The following ATP2B4 variants were observed in gnomAD, a reference collection of about 807,000 sequenced individuals.
The protein encoded by ATP2B4 is plasma membrane calcium-transporting ATPase 4.
A neutral mutation model predicts 110.3 loss-of-function variants in ATP2B4; 39 were observed. The ratio of observed to expected loss-of-function variants is 0.35; its 90% CI spans 0.27 to 0.46. The LOEUF (loss-of-function observed/expected upper bound fraction) is 0.46, where lower values mean the gene tolerates loss of function less well. Ranked by LOEUF, ATP2B4 falls within the 20% of genes least tolerant of loss-of-function variation. The pLI is 1.00. For missense variants in ATP2B4, 1,135 were observed against 1,530.9 expected (o/e 0.74, Z 4.32); for synonymous variants, 538 against 571.7 (o/e 0.94, Z 0.84).
rs375477836 is a variant in ATP2B4 at position 203,646,573 on chromosome 1, G to T, written c.-465+19354G>T. On this transcript the variant is annotated intron_variant, in intron 1 of 20. Transcript: ENST00000357681. ...GAGGTCAGTGTTCAAGACCAGCCTG[G>T]TTAACATGATGAAACTCCATCTCTG... Among the ~76,000 whole-genome samples the T allele has an allele frequency of 1.1e-4, 17 of 152,272 alleles. No individual in the cohort carries two copies. In the East Asian group the frequency reaches 2.3e-3, roughly 21 times the overall value.
chr1:203,678,693 G>A (rs1443570279), intron 1 of ATP2B4, among the ~76,000 whole-genome samples: 2 of 152,096 alleles, frequency 1.3e-5, no homozygotes, highest in African/African-American at 4.8e-5. Flanking sequence ...CAGGAGCCAC[G>A]GCACCTGGCA....
chr1:203,715,972 G>A (rs1008862853), intron 15 of ATP2B4, among the ~76,000 whole-genome samples: 5 of 144,460 alleles, frequency 3.5e-5, no homozygotes, highest in Middle Eastern at 3.6e-3. Flanking sequence ...TTGGAAAGCC[G>A]GGAACTGGGG....
Position 203,727,418 on chromosome 1 carries a change from A to G in ATP2B4, c.3156A>G (p.Arg1052=), listed in dbSNP as rs1380037034. ...AGTTCATCTCCGCAATACCTACCCG[A>G]TCCCTGAAGTTCCTGAAGGAGGCTG... ...WGQFISAIPT[R]SLKFLKEAGH... The change falls in exon 20 of 21, where the codon CGA becomes CGG. Residue 1052 remains arginine, a synonymous_variant. Transcript: ENST00000357681. The G allele has an allele frequency of 1.2e-6, 2 of 1,614,158 alleles. No homozygotes were observed. The highest frequency in any genetic ancestry group is 1.7e-6 in the Non-Finnish European group (2 of 1,180,012).
rs74137887 is a variant in ATP2B4, at chr1:203,736,191, G to A, written c.3310-3355G>A. On this transcript the variant is annotated intron_variant, in intron 20 of 20. Coordinates refer to ENST00000357681, the MANE Select transcript of ATP2B4 (RefSeq NM_001684.5). ...TGAAAAGAGCAGAAAACTGCCTGGC[G>A]CGGTGGCTCACGCCTGTAATCCCAG... Among the ~76,000 whole-genome samples, 1,417 of 152,272 alleles carry A rather than the reference G, an allele frequency of 9.3e-3. 26 individuals are homozygous for A. Among genetic ancestry groups the A allele is most frequent in the African/African-American group, 0.028 (1,183 of 41,550 alleles).
rs1665670453 is a variant in ATP2B4, at chr1:203,700,872, C to T, written c.850C>T (p.Leu284Phe). The change falls in exon 6 of 21, where the codon CTT (leucine) becomes TTT (phenylalanine). Residue 284 changes from leucine to phenylalanine, a missense_variant. Coordinates refer to ENST00000357681, the MANE Select transcript of ATP2B4 (RefSeq NM_001684.5). ...TGTCAACTCTCAGACTGGAATCATCCTTACTCTCTTGGGGGTCAATGAGGA... is the reference window on the plus strand; with the variant it reads ...TGTCAACTCTCAGACTGGAATCATCTTTACTCTCTTGGGGGTCAATGAGGA... ...VGVNSQTGII[L>F]TLLGVNEDDE... 1 of 1,613,728 alleles carries T rather than the reference C, an allele frequency of 6.2e-7. No individual in the cohort carries two copies. Among genetic ancestry groups the T allele is most frequent in the Non-Finnish European group, 8.5e-7 (1 of 1,179,780 alleles).
rs766708513 is a variant in ATP2B4, at chr1:203,698,305, C to T, written c.342C>T (p.Ile114=). Residue 114 remains isoleucine (I), a synonymous_variant, in exon 3 of 21, where the codon ATC becomes ATT. Transcript: ENST00000357681. ...TTATCATCCTGGAGATTGCAGCCAT[C>T]ATCTCCCTGGTCCTGTCCTTTTATC... ...VTLIILEIAA[I]ISLVLSFYRP... 4 of 1,614,162 alleles carry T rather than the reference C, an allele frequency of 2.5e-6. No homozygotes were observed. Among genetic ancestry groups the T allele is most frequent in the Admixed American group, 1.7e-5 (1 of 60,022 alleles).
intron 1 of ATP2B4, among the ~76,000 whole-genome samples, chr1:203,674,356 C>G (rs1426148385): frequency 6.6e-6 from 1 of 152,200 alleles, no homozygotes; most frequent in African/African-American, 2.4e-5. Context: ...CCTACCTCCA[C>G]CCCATACATC....
At chr1:203,646,522 G>C (rs889757846) in intron 1 of ATP2B4, among the ~76,000 whole-genome samples, 1 of 152,270 alleles carries the variant, frequency 6.6e-6, no homozygotes. Flanking sequence ...CCAGCACCTT[G>C]GGAGGCCAAG....
chr1:203,660,118 A>AAAGAAAGT (rs1664293014), intron 1 of ATP2B4, among the ~76,000 whole-genome samples: 1 of 151,786 alleles, frequency 6.6e-6, no homozygotes, highest in Admixed American at 6.6e-5. Flanking sequence ...AGAAAGAAAG[A>AAAGAAAGT]AACTTGTCCA....
intron 1 of ATP2B4, among the ~76,000 whole-genome samples, chr1:203,659,486 C>T (rs1446440719): frequency 6.6e-6 from 1 of 151,646 alleles, no homozygotes; most frequent in East Asian, 1.9e-4. Context: ...CGAGACCACA[C>T]AGCAAAACGT....
chr1:203,709,568 C>G (rs1405251250), intron 11 of ATP2B4, 26 bp downstream of exon 11: 1 of 1,613,446 alleles, frequency 6.2e-7, no homozygotes, highest in African/African-American at 1.3e-5. Flanking sequence ...CACTCTGCTT[C>G]CCTTCAAGAT....
chr1:203,658,486 G>A lies in ATP2B4; in HGVS notation c.-464-24256G>A, dbSNP rs150640283. Among the ~76,000 whole-genome samples the A allele has an allele frequency of 2.8e-3, 425 of 151,546 alleles. 5 individuals carry two copies. The highest frequency in any genetic ancestry group is 9.7e-3 in the African/African-American group (402 of 41,322). ...ATTCAGTCCGCAGTGAGCTATGATGGCGCCACTGCACTCCACCCTGGCCAA... is the reference window on the plus strand; with the variant it reads ...ATTCAGTCCGCAGTGAGCTATGATGACGCCACTGCACTCCACCCTGGCCAA... On this transcript the variant is annotated intron_variant, in intron 1 of 20. Transcript: ENST00000357681.
At chr1:203,700,742 A>G (rs1665666578) in intron 5 of ATP2B4, 56 bp from the exon 6 acceptor site, 1 of 1,602,898 alleles carries the variant, frequency 6.2e-7, no homozygotes. Flanking sequence ...TTCATACCAA[A>G]TCATGTCTAG....
chr1:203,656,057 C>T (rs375955804), intron 1 of ATP2B4, among the ~76,000 whole-genome samples: 58 of 102,222 alleles, frequency 5.7e-4, no homozygotes, highest in Middle Eastern at 4.5e-3. Context: ...TGTGCCACCA[C>T]GCCCAGCTAT....
intron 1 of ATP2B4, among the ~76,000 whole-genome samples, chr1:203,674,637 CTTTTTTTTTTTTTTTTTTTTT>C (rs57153257): frequency 0.021 from 986 of 46,302 alleles, 26 homozygotes; most frequent in African/African-American, 0.078. Context: ...CCACACCTGG[CTTTTTTTTTTTTTTTTTTTTT>C]TTTTTTTTTT....
intron 1 of ATP2B4, among the ~76,000 whole-genome samples, chr1:203,669,596 C>T (rs922280797): frequency 6.6e-6 from 1 of 152,092 alleles, no homozygotes; most frequent in Non-Finnish European, 1.5e-5. Flanking sequence ...GCCACCACCC[C>T]CTGCTAATTT....
intron 1 of ATP2B4, among the ~76,000 whole-genome samples, chr1:203,661,972 AT>A (rs1265170759): frequency 6.7e-6 from 1 of 150,026 alleles, no homozygotes; most frequent in Non-Finnish European, 1.5e-5. Context: ...TCCTTCTCCT[AT>A]TTTTATTTAT....
At chr1:203,702,638 G>A (rs776683777) in intron 7 of ATP2B4, among the ~76,000 whole-genome samples, 5 of 152,160 alleles carry the variant, frequency 3.3e-5, no homozygotes, top group Non-Finnish European at 7.3e-5. Flanking sequence ...CTGATCTGAT[G>A]TGTGTGTCTC....
At chr1:203,688,616 T>C (rs932785696) in intron 2 of ATP2B4, among the ~76,000 whole-genome samples, 5 of 152,164 alleles carry the variant, frequency 3.3e-5, no homozygotes, top group Non-Finnish European at 7.3e-5. Context: ...CCCAATGTTT[T>C]GATACTGGCT....
Sources: allele counts gnomAD v4.1 joint callset (sites outside exome capture counted in the v4.1 genomes callset), GRCh38; gene constraint gnomAD v4.1.1; transcripts MANE v1.5; gene names NCBI Gene and HGNC (gene_info 2026-07-23, HGNC 2026-07-21).